Variants in DAG1 observed in about 807,000 individuals in gnomAD.
DAG1 encodes dystroglycan 1 (dystrophin-associated glycoprotein 1).
In DAG1, 8 loss-of-function variants were observed where a neutral mutation model predicts 46.1. That is an observed-to-expected ratio of 0.17 (90% CI 0.10 to 0.31). The LOEUF (loss-of-function observed/expected upper bound fraction) is 0.31, where lower values mean the gene tolerates loss of function less well. DAG1 is among the 10% of genes least tolerant of loss of function. DAG1 has a pLI of 1.00. For synonymous variants in DAG1, 495 were observed against 481.8 expected (o/e 1.03, Z -0.36); for missense variants, 1,003 against 1,189.9 (o/e 0.84, Z 2.31).
chr3:49,480,461 T>C (rs1277323035), intron 1 of DAG1, among the ~76,000 whole-genome samples: 1 of 150,786 alleles, frequency 6.6e-6, no homozygotes, highest in Non-Finnish European at 1.5e-5. Flanking sequence ...ATTTTTTTAG[T>C]AGAGACGGGG....
At chr3:49,478,147 A>G (rs1354211892) in intron 1 of DAG1, among the ~76,000 whole-genome samples, 1 of 151,518 alleles carries the variant, frequency 6.6e-6, no homozygotes, top group African/African-American at 2.4e-5. Context: ...TGCGCCTGTA[A>G]TCCCAGCTAC....
chr3:49,481,667 G>A (rs1185623097), intron 1 of DAG1, among the ~76,000 whole-genome samples: 1 of 152,182 alleles, frequency 6.6e-6, no homozygotes, highest in Non-Finnish European at 1.5e-5. Flanking sequence ...GTATAGGGGA[G>A]TGTGCCAGTT....
intron 2 of DAG1, among the ~76,000 whole-genome samples, chr3:49,526,501 G>A (rs1319665368): frequency 1.3e-5 from 2 of 152,092 alleles, no homozygotes; most frequent in South Asian, 2.1e-4. Context: ...TGGAGGCCAG[G>A]AGTTTGAGAC....
At chr3:49,486,781 G>C (rs980849373) in intron 1 of DAG1, among the ~76,000 whole-genome samples, 1 of 152,222 alleles carries the variant, frequency 6.6e-6, no homozygotes, top group Non-Finnish European at 1.5e-5. Context: ...GGGATTACAG[G>C]CGTGAGACAC....
In DAG1 at chr3:49,533,249, CATG is replaced by C; in HGVS notation, c.*51_*53del. On this transcript the variant is annotated 3_prime_UTR_variant, in exon 3 of 3. Transcript: ENST00000308775. The stretch of plus-strand genomic sequence containing the variant: ...GGGTAGGGCAGGGGCCTGGAGACGA[CATG>C]GTGTTGTCTGTGGAGACCGGTGGCC... The C allele has an allele frequency of 6.2e-7, 1 of 1,601,050 alleles. No homozygotes were observed. Among genetic ancestry groups the C allele is most frequent in the Non-Finnish European group, 8.5e-7 (1 of 1,179,240 alleles).
At chr3:49,517,582 A>G (rs2050930652) in intron 2 of DAG1, among the ~76,000 whole-genome samples, 1 of 152,174 alleles carries the variant, frequency 6.6e-6, no homozygotes, top group Non-Finnish European at 1.5e-5. Context: ...CCAGAGCAGA[A>G]GCTGACCTAT....
chr3:49,484,776 G>A (rs1387462041), intron 1 of DAG1, among the ~76,000 whole-genome samples: 1 of 151,856 alleles, frequency 6.6e-6, no homozygotes, highest in Non-Finnish European at 1.5e-5. Flanking sequence ...AAGGGGTTGG[G>A]AGCTCAGGAA....
intron 2 of DAG1, among the ~76,000 whole-genome samples, chr3:49,524,166 A>T (rs746223517): frequency 9.7e-4 from 147 of 152,268 alleles, no homozygotes; most frequent in Middle Eastern, 6.8e-3. Flanking sequence ...CTCCGGGATG[A>T]GCTAAGCCCT....
intron 1 of DAG1, among the ~76,000 whole-genome samples, chr3:49,480,169 G>C (rs1172497917): frequency 7.0e-6 from 1 of 143,498 alleles, no homozygotes; most frequent in South Asian, 2.2e-4. Flanking sequence ...GGTCAGGCTG[G>C]TCTCGAACTC....
chr3:49,509,144 CAA>C (rs1303719937), intron 1 of DAG1, among the ~76,000 whole-genome samples: 1 of 152,106 alleles, frequency 6.6e-6, no homozygotes, highest in Admixed American at 6.6e-5. Context: ...AGAATCCAGT[CAA>C]GAGATACACA....
intron 1 of DAG1, among the ~76,000 whole-genome samples, chr3:49,481,514 T>G (rs535285327): frequency 6.6e-6 from 1 of 152,320 alleles, no homozygotes; most frequent in African/African-American, 2.4e-5. Context: ...GCACGTTTTC[T>G]GTAGTCCCTT....
chr3:49,506,461 GA>G (rs1213114695), intron 1 of DAG1, among the ~76,000 whole-genome samples: 1 of 152,196 alleles, frequency 6.6e-6, no homozygotes, highest in Non-Finnish European at 1.5e-5. Context: ...TCAAGTTGAA[GA>G]AGTTCCCCTC....
intron 2 of DAG1, among the ~76,000 whole-genome samples, chr3:49,524,098 C>T (rs975074526): frequency 1.1e-4 from 16 of 152,172 alleles, no homozygotes; most frequent in African/African-American, 1.7e-4. Context: ...CCAGAGTTCC[C>T]GTGGACTGAG....
At chr3:49,478,838 G>A (rs71324970) in intron 1 of DAG1, among the ~76,000 whole-genome samples, 1 of 67,236 alleles carries the variant, frequency 1.5e-5, no homozygotes, top group Non-Finnish European at 3.0e-5. Flanking sequence ...TTTGGATACA[G>A]AATCTTGCAC....
chr3:49,527,491 C>T (rs1214212464), intron 2 of DAG1, among the ~76,000 whole-genome samples: 1 of 105,984 alleles, frequency 9.4e-6, no homozygotes, highest in East Asian at 5.8e-4. Flanking sequence ...CACTGCAGTC[C>T]GGCCTGGGCG....
At chr3:49,526,433 G>T (rs574188555) in intron 2 of DAG1, among the ~76,000 whole-genome samples, 242 of 152,348 alleles carry the variant, frequency 1.6e-3, no homozygotes, top group Non-Finnish European at 2.7e-3. Flanking sequence ...ATTTGGTCAC[G>T]TGCAGTGGCT....
intron 1 of DAG1, among the ~76,000 whole-genome samples, chr3:49,474,976 T>A (rs1370352132): frequency 6.6e-6 from 1 of 151,486 alleles, no homozygotes; most frequent in Non-Finnish European, 1.5e-5. Flanking sequence ...CGCGCCCAGC[T>A]AATTTTTTTG....
chr3:49,503,827 CAAAA>C (rs57105506), intron 1 of DAG1, among the ~76,000 whole-genome samples: 1 of 130,842 alleles, frequency 7.6e-6, no homozygotes, highest in Admixed American at 7.4e-5. Flanking sequence ...GACCCTGTCT[CAAAA>C]AAAAAAAAAG....
At chr3:49,492,562 A>G (rs2050216768) in intron 1 of DAG1, among the ~76,000 whole-genome samples, 1 of 152,168 alleles carries the variant, frequency 6.6e-6, no homozygotes, top group Admixed American at 6.6e-5. Context: ...TAGGAGGATC[A>G]ATTGAGCCTG....
Sources: allele counts gnomAD v4.1 joint callset (sites outside exome capture counted in the v4.1 genomes callset), GRCh38; gene constraint gnomAD v4.1.1; transcripts MANE v1.5; gene names NCBI Gene and HGNC (gene_info 2026-07-23, HGNC 2026-07-21).